PDE3B: variants seen among roughly 807,000 people sequenced by gnomAD.
PDE3B encodes the protein cGMP-inhibited 3',5'-cyclic phosphodiesterase 3B.
Under a neutral mutation model 116.8 loss-of-function variants are expected in PDE3B, and 66 were observed. The ratio of observed to expected loss-of-function variants is 0.56; its 90% CI spans 0.46 to 0.69. The LOEUF is 0.69. PDE3B is among the 30% of genes least tolerant of loss of function. The pLI, the probability that PDE3B is intolerant of heterozygous loss-of-function variation, is 0.00. For missense variants in PDE3B, 1,384 were observed against 1,368.1 expected (o/e 1.01, Z -0.18); for synonymous variants, 595 against 533.6 (o/e 1.12, Z -1.59).
chr11:14,856,292 C>A (rs930225639), intron 12 of PDE3B, among the ~76,000 whole-genome samples: 1 of 152,122 alleles, frequency 6.6e-6, no homozygotes, highest in Non-Finnish European at 1.5e-5. Flanking sequence ...TCAATTAAAC[C>A]TCTTTTGTTT....
chr11:14,781,419 CT>C (rs766992016), intron 2 of PDE3B, among the ~76,000 whole-genome samples: 1 of 152,326 alleles, frequency 6.6e-6, no homozygotes, highest in South Asian at 2.1e-4. Flanking sequence ...GAATAAAATA[CT>C]GGCAAACCGA....
At chr11:14,742,738 A>G (rs2349792) in intron 1 of PDE3B, among the ~76,000 whole-genome samples, 77,214 of 151,768 alleles carry the variant, frequency 0.51, 19,642 homozygotes, top group Admixed American at 0.55. Flanking sequence ...TTTGGTCTTT[A>G]ATGTTGGTGA....
the PDE3B span, chr11:14,880,572 T>C: frequency 1.2e-6 from 2 of 1,613,400 alleles, no homozygotes; most frequent in South Asian, 2.2e-5. Context: ...TGGTTATGTT[T>C]GAAACAGCAT....
intron 1 of PDE3B, among the ~76,000 whole-genome samples, chr11:14,698,503 G>A (rs955575133): frequency 1.3e-5 from 2 of 151,614 alleles, no homozygotes; most frequent in African/African-American, 2.4e-5. Flanking sequence ...ATATTGCTGG[G>A]TTTTCTTTGC....
intron 1 of PDE3B, among the ~76,000 whole-genome samples, chr11:14,762,191 C>T (rs941745964): frequency 1.3e-5 from 2 of 151,586 alleles, no homozygotes; most frequent in Non-Finnish European, 2.9e-5. Context: ...ACTGTATTGC[C>T]CAGGCTGGTT....
the PDE3B span, chr11:14,879,400 C>T: frequency 6.2e-7 from 1 of 1,606,588 alleles, no homozygotes; most frequent in Non-Finnish European, 8.5e-7. Flanking sequence ...AAGAAGGCTT[C>T]CCATTAGGGC....
the PDE3B span, chr11:14,890,387 G>A: frequency 1.3e-6 from 1 of 746,032 alleles, no homozygotes; most frequent in Non-Finnish European, 1.6e-6. Flanking sequence ...ACTCAATTCT[G>A]GGAGAATTGC....
intron 1 of PDE3B, among the ~76,000 whole-genome samples, chr11:14,707,742 A>G (rs552579742): frequency 1.3e-5 from 2 of 151,974 alleles, no homozygotes; most frequent in Non-Finnish European, 2.9e-5. Context: ...TTGATATTTT[A>G]CTGAGAGTGT....
chr11:14,674,257 C>G, intron 1 of PDE3B: 1 of 1,162,060 alleles, frequency 8.6e-7, no homozygotes, highest in Non-Finnish European at 1.3e-6. Context: ...CTGTTGGAGA[C>G]CAGATGTCTT....
In PDE3B at chr11:14,857,206, G is replaced by T. The variant is rs528905034; in HGVS notation, c.2521-1837G>T. ...TATAGCTAGAAAAAGCAGGTAACAA[G>T]ATGCTTTAGCACAAAGTCAAAGGAT... On this transcript the variant is annotated intron_variant, in intron 12 of 15. Transcript: ENST00000282096. 2.0e-5 allele frequency among the ~76,000 whole-genome samples: 3 copies of T among 152,318 alleles called. No homozygotes were observed. The East Asian group carries it at 5.8e-4, about 29-fold the overall frequency.
intron 1 of PDE3B, among the ~76,000 whole-genome samples, chr11:14,740,496 A>G (rs1219591793): frequency 1.3e-5 from 2 of 151,286 alleles, no homozygotes; most frequent in African/African-American, 2.4e-5. Context: ...CTCTCTTTTC[A>G]TCTTTATTAG....
intron 7 of PDE3B, among the ~76,000 whole-genome samples, chr11:14,829,851 G>GT (rs1859815539): frequency 6.6e-6 from 1 of 151,948 alleles, no homozygotes; most frequent in South Asian, 2.1e-4. Context: ...GATAAAAGTT[G>GT]TTTTTTAAAA....
intron 12 of PDE3B, among the ~76,000 whole-genome samples, chr11:14,855,329 G>C (rs1386315370): frequency 6.6e-6 from 1 of 151,104 alleles, no homozygotes; most frequent in African/African-American, 2.4e-5. Flanking sequence ...AAAAATTTCA[G>C]AACACCAGAG....
chr11:14,743,690 G>A (rs546476889), intron 1 of PDE3B, among the ~76,000 whole-genome samples: 176 of 152,324 alleles, frequency 1.2e-3, no homozygotes, highest in African/African-American at 3.5e-3. Context: ...CCCTGGTGGC[G>A]TAGGTACCAG....
chr11:14,740,884 G>A (rs1316901713), intron 1 of PDE3B, among the ~76,000 whole-genome samples: 2 of 152,154 alleles, frequency 1.3e-5, no homozygotes, highest in Non-Finnish European at 2.9e-5. Context: ...GGAGCAGGTT[G>A]TTCAGTTTCC....
intron 12 of PDE3B, among the ~76,000 whole-genome samples, chr11:14,852,560 G>A (rs781862024): frequency 4.6e-5 from 7 of 152,242 alleles, no homozygotes; most frequent in Middle Eastern, 6.8e-3. Flanking sequence ...CAATAATCAC[G>A]TTATTTCTAA....
chr11:14,761,376 G>A (rs979685263), intron 1 of PDE3B, among the ~76,000 whole-genome samples: 2 of 152,102 alleles, frequency 1.3e-5, no homozygotes, highest in African/African-American at 4.8e-5. Context: ...ATTACTTGAA[G>A]CTTGGTTTTG....
the PDE3B span, among the ~76,000 whole-genome samples, chr11:14,899,034 C>A: frequency 6.6e-6 from 1 of 152,154 alleles, no homozygotes; most frequent in Non-Finnish European, 1.5e-5. Flanking sequence ...GAAAAGTGAC[C>A]TTTTGATGTC....
chr11:14,654,322 A>G (rs1477988834), intron 1 of PDE3B, among the ~76,000 whole-genome samples: 3 of 152,192 alleles, frequency 2.0e-5, no homozygotes, highest in Non-Finnish European at 4.4e-5. Flanking sequence ...ATGGCCTTCA[A>G]AAGAATGAAT....
Sources: allele counts gnomAD v4.1 joint callset (sites outside exome capture counted in the v4.1 genomes callset), GRCh38; gene constraint gnomAD v4.1.1; transcripts MANE v1.5; gene names NCBI Gene and HGNC (gene_info 2026-07-23, HGNC 2026-07-21).